The following RALGAPA1 variants were observed in gnomAD, a reference collection of about 807,000 sequenced individuals.
RALGAPA1 encodes the protein Ral GTPase activating protein catalytic subunit alpha 1.
RALGAPA1 carries 52 observed loss-of-function variants against 269.6 expected under a neutral mutation model. The ratio of observed to expected loss-of-function variants is 0.19; its 90% confidence interval spans 0.15 to 0.24. RALGAPA1 has a LOEUF of 0.24. Ranked by LOEUF, RALGAPA1 falls within the 10% of genes least tolerant of loss-of-function variation. The pLI, the probability that RALGAPA1 is intolerant of heterozygous loss-of-function variation, is 1.00. For missense variants in RALGAPA1, 1,917 were observed against 3,013.9 expected, an observed-to-expected ratio of 0.64 and a Z score of 8.52; for synonymous variants, 817 against 1,008.3, an observed-to-expected ratio of 0.81 and a Z score of 3.60.
At chr14:35,753,920 C>T (rs2072955658) in intron 7 of RALGAPA1, among the ~76,000 whole-genome samples, 1 of 152,060 alleles carries the variant, frequency 6.6e-6, no homozygotes, top group Admixed American at 6.6e-5. Flanking sequence ...TTCAATGGAT[C>T]CTAAAACATG....
intron 1 of RALGAPA1, among the ~76,000 whole-genome samples, chr14:35,803,865 C>G (rs2077159397): frequency 6.6e-6 from 1 of 151,622 alleles, no homozygotes; most frequent in Non-Finnish European, 1.5e-5. Flanking sequence ...CTCAAGTGAG[C>G]CACCTGCCTC....
intron 41 of RALGAPA1, among the ~76,000 whole-genome samples, chr14:35,547,406 A>T (rs2054554744): frequency 6.6e-6 from 1 of 152,104 alleles, no homozygotes. Context: ...CAAATACGAA[A>T]GAGTACAGCT....
intron 1 of RALGAPA1, among the ~76,000 whole-genome samples, chr14:35,782,609 T>C (rs936171463): frequency 1.3e-5 from 2 of 151,836 alleles, no homozygotes; most frequent in African/African-American, 4.8e-5. Context: ...AATTTTTGTA[T>C]TTTTAGTAGA....
chr14:35,710,533 C>T (rs1279455517), intron 16 of RALGAPA1, among the ~76,000 whole-genome samples: 1 of 152,200 alleles, frequency 6.6e-6, no homozygotes, highest in Non-Finnish European at 1.5e-5. Flanking sequence ...ACTGGGATTA[C>T]AGGCATGAGC....
At position 35,683,995 on chromosome 14, in the gene RALGAPA1, G is replaced by A. The variant is rs1474490240; in HGVS notation, c.4295-10C>T. The A allele has an allele frequency of 7.5e-6, 12 of 1,602,440 alleles. No homozygotes were observed. The Admixed American group carries it at 1.9e-4, about 25-fold the overall frequency. On this transcript the variant is annotated splice_polypyrimidine_tract_variant and intron_variant, in intron 20 of 41. Transcript: ENST00000680220. ...GTTCCAAAGCCAAAATCTATAGGAA[G>A]AAGAAATGTTATTATATGAGTCCCA...
intron 31 of RALGAPA1, among the ~76,000 whole-genome samples, chr14:35,649,720 T>C (rs1269928129): frequency 6.6e-6 from 1 of 152,188 alleles, no homozygotes; most frequent in Middle Eastern, 3.2e-3. Context: ...ATTACTTCTT[T>C]CTCTATTCTA....
chr14:35,624,356 G>C (rs965734597), intron 35 of RALGAPA1, among the ~76,000 whole-genome samples: 2 of 151,980 alleles, frequency 1.3e-5, no homozygotes, highest in African/African-American at 4.8e-5. Context: ...TACAGGAAGT[G>C]AGTAAAGATC....
At chr14:35,781,103 C>T (rs2075392518) in intron 1 of RALGAPA1, among the ~76,000 whole-genome samples, 1 of 152,028 alleles carries the variant, frequency 6.6e-6, no homozygotes, top group South Asian at 2.1e-4. Context: ...AAAAACTTGA[C>T]AAACTGTCAG....
At chr14:35,776,068 T>C (rs560310621) in intron 1 of RALGAPA1, among the ~76,000 whole-genome samples, 20 of 152,256 alleles carry the variant, frequency 1.3e-4, no homozygotes, top group Admixed American at 3.3e-4. Context: ...CCCAAGACAG[T>C]TGAAAATCAG....
intron 4 of RALGAPA1, among the ~76,000 whole-genome samples, chr14:35,767,696 A>C (rs1306457871): frequency 6.6e-6 from 1 of 152,184 alleles, no homozygotes; most frequent in Admixed American, 6.5e-5. Context: ...TCAAAAAAAC[A>C]AACAAATAAA....
intron 13 of RALGAPA1, among the ~76,000 whole-genome samples, chr14:35,727,598 T>C (rs1567101241): frequency 6.6e-6 from 1 of 152,020 alleles, no homozygotes; most frequent in Non-Finnish European, 1.5e-5. Context: ...TAATGTACTA[T>C]ACTAAGAAAT....
intron 7 of RALGAPA1, among the ~76,000 whole-genome samples, chr14:35,756,054 C>G (rs17836222): frequency 0.12 from 17,653 of 152,158 alleles, 1,120 homozygotes; most frequent in South Asian, 0.14. Flanking sequence ...TGCAGCCTAC[C>G]TCCCTAGTTG....
intron 41 of RALGAPA1, among the ~76,000 whole-genome samples, chr14:35,540,975 T>C (rs1375020489): frequency 2.0e-5 from 3 of 151,494 alleles, no homozygotes; most frequent in Admixed American, 6.6e-5. Context: ...AAAAGTTCAG[T>C]AAGGGGTGAA....
intron 22 of RALGAPA1, among the ~76,000 whole-genome samples, chr14:35,675,478 A>C (rs1434775946): frequency 6.6e-6 from 1 of 152,214 alleles, no homozygotes; most frequent in East Asian, 1.9e-4. Flanking sequence ...ACCCGACCGA[A>C]AAATAAACAT....
At chr14:35,759,632 G>T (rs1051530405) in intron 6 of RALGAPA1, among the ~76,000 whole-genome samples, 1 of 151,546 alleles carries the variant, frequency 6.6e-6, no homozygotes, top group South Asian at 2.1e-4. Context: ...AAATCTGGTC[G>T]GGTGTAGTGG....
At chr14:35,573,830 T>C (rs2057378910) in intron 37 of RALGAPA1, among the ~76,000 whole-genome samples, 1 of 152,288 alleles carries the variant, frequency 6.6e-6, no homozygotes, top group East Asian at 1.9e-4. Flanking sequence ...CATGGCTTCA[T>C]AATTTCATTT....
intron 37 of RALGAPA1, among the ~76,000 whole-genome samples, chr14:35,585,829 G>A (rs558216751): frequency 1.3e-5 from 2 of 152,290 alleles, no homozygotes; most frequent in South Asian, 4.1e-4. Context: ...TTTGGTACCA[G>A]TACCATCCTG....
intron 1 of RALGAPA1, among the ~76,000 whole-genome samples, chr14:35,778,221 A>G (rs1454679721): frequency 1.3e-5 from 2 of 151,600 alleles, no homozygotes; most frequent in Admixed American, 6.6e-5. Flanking sequence ...CACCACACCT[A>G]GCTAATTTTT....
intron 16 of RALGAPA1, among the ~76,000 whole-genome samples, chr14:35,713,937 A>C (rs1595274475): frequency 6.6e-6 from 1 of 152,012 alleles, no homozygotes; most frequent in Non-Finnish European, 1.5e-5. Context: ...CTCTACTAAA[A>C]AACAAAAATT....
Sources: gnomAD v4.1 joint callset for allele counts (sites outside exome capture counted in the v4.1 genomes callset) on GRCh38, gnomAD v4.1.1 for gene constraint, MANE v1.5 for transcripts, NCBI Gene and HGNC (gene_info 2026-07-23, HGNC 2026-07-21) for gene names.